Variants in NOTCH2 observed in about 807,000 individuals in gnomAD.
The protein encoded by NOTCH2 is notch receptor 2.
NOTCH2 carries 29 observed loss-of-function variants against 235.8 expected under a neutral mutation model. That is an observed-to-expected ratio of 0.12 (90% CI 0.09 to 0.17). The LOEUF (loss-of-function observed/expected upper bound fraction) is 0.17. Among genes scored for constraint, NOTCH2 ranks in the 10% least tolerant of loss-of-function variants. The pLI, the probability that NOTCH2 is intolerant of heterozygous loss-of-function variation, is 1.00. For synonymous variants in NOTCH2, 1,086 were observed against 1,141.5 expected (o/e 0.95, Z 0.98); for missense variants, 2,285 against 3,150.2 (o/e 0.73, Z 6.57).
intron 2 of NOTCH2, among the ~76,000 whole-genome samples, chr1:120,010,468 G>C (rs1402312268): frequency 6.6e-6 from 1 of 151,868 alleles, no homozygotes; most frequent in East Asian, 1.9e-4. Context: ...CTGCTCTTAA[G>C]AGTACAGACT....
At chr1:120,029,585 G>A (rs1231828344) in intron 2 of NOTCH2, among the ~76,000 whole-genome samples, 8 of 152,156 alleles carry the variant, frequency 5.3e-5, no homozygotes, top group African/African-American at 9.6e-5. Flanking sequence ...TCCTGACCTC[G>A]TGATTCGCCC....
intron 22 of NOTCH2, among the ~76,000 whole-genome samples, chr1:119,931,371 G>T (rs1339930536): frequency 1.3e-5 from 2 of 151,944 alleles, no homozygotes; most frequent in African/African-American, 4.8e-5. Flanking sequence ...ACCAGGATTT[G>T]GTTAGCAAGA....
chr1:119,944,570 C>T (rs1650187589), intron 17 of NOTCH2, among the ~76,000 whole-genome samples: 1 of 144,400 alleles, frequency 6.9e-6, no homozygotes, highest in African/African-American at 2.5e-5. Flanking sequence ...ACCACACCAA[C>T]AGGCATTATA....
chr1:119,931,293 C>A (rs2101173733), intron 22 of NOTCH2, among the ~76,000 whole-genome samples: 1 of 151,668 alleles, frequency 6.6e-6, no homozygotes, highest in Non-Finnish European at 1.5e-5. Context: ...ATGTGTTACA[C>A]CTAAATGAAG....
intron 23 of NOTCH2, among the ~76,000 whole-genome samples, chr1:119,927,488 A>G (rs1649513681): frequency 6.6e-6 from 1 of 152,170 alleles, no homozygotes; most frequent in African/African-American, 2.4e-5. Flanking sequence ...TCTCTGCAAC[A>G]GCATCCCACA....
rs1652507349 is a variant in NOTCH2, at chr1:119,997,329, T to C, written c.419A>G (p.Lys140Arg). 6.2e-7 allele frequency: 1 copy of C among 1,613,762 alleles called. No homozygotes were observed. Among genetic ancestry groups the C allele is most frequent in the Non-Finnish European group, 8.5e-7 (1 of 1,179,836 alleles). Residue 140 changes from lysine to arginine, a missense_variant, in exon 4 of 34, where the codon AAG (lysine) becomes AGG (arginine). Coordinates refer to ENST00000256646, the MANE Select transcript of NOTCH2 (RefSeq NM_024408.4). The part of the protein sequence containing the change: ...ECTCQVGFTG[K>R]ECQWTDACLS... ...GCAGGCATCCGTCCATTGGCACTCCTTACCTAAAGGAAGGATAACAAAACT... is the reference window on the plus strand; with the variant it reads ...GCAGGCATCCGTCCATTGGCACTCCCTACCTAAAGGAAGGATAACAAAACT...
At chr1:119,963,440 G>T in intron 11 of NOTCH2, 134 bp downstream of exon 11, 1 of 856,142 alleles carries the variant, frequency 1.2e-6, no homozygotes, top group Non-Finnish European at 2.0e-6. Flanking sequence ...TATGTTTGTG[G>T]CTTTGGCTGT....
rs782801786 is a variant in NOTCH2, at chr1:119,987,095, G to C, written c.752-13C>G. The C allele has an allele frequency of 4.3e-6, 7 of 1,612,376 alleles. No individual in the cohort carries two copies. The East Asian group carries it at 6.7e-5, about 15-fold the overall frequency. ...CTCCCTTCAAAACCTGGTAAATGAAGAACAAATGAAAATGATGAAATCTCA... is the reference window on the plus strand; with the variant it reads ...CTCCCTTCAAAACCTGGTAAATGAACAACAAATGAAAATGATGAAATCTCA... On this transcript the variant is annotated splice_polypyrimidine_tract_variant and intron_variant, in intron 4 of 33. Coordinates refer to ENST00000256646, the MANE Select transcript of NOTCH2 (RefSeq NM_024408.4).
rs1172188314 is a variant in NOTCH2 at position 119,917,499 on chromosome 1, G to C, written c.6027+166C>G. On this transcript the variant is annotated intron_variant, in intron 33 of 33. Coordinates refer to ENST00000256646, the MANE Select transcript of NOTCH2 (RefSeq NM_024408.4). ...AGAACTCCATCCTGACACATGCCTG[G>C]ACAAGCCCAATATCCTCATCAAGCT... 3.9e-5 allele frequency among the ~76,000 whole-genome samples: 6 copies of C among 152,212 alleles called. No homozygotes were observed. The East Asian group carries it at 1.2e-3, about 29-fold the overall frequency.
At chr1:119,941,406 A>G (rs1650057402) in intron 18 of NOTCH2, 120 bp downstream of exon 18, 1 of 738,240 alleles carries the variant, frequency 1.4e-6, no homozygotes, top group Non-Finnish European at 2.4e-6. Context: ...ATGACTGTGG[A>G]CTGGGATCCA....
intron 22 of NOTCH2, among the ~76,000 whole-genome samples, chr1:119,930,046 G>A (rs782557018): frequency 7.9e-5 from 12 of 152,242 alleles, no homozygotes; most frequent in Admixed American, 7.2e-4. Flanking sequence ...TGCAGGTTTG[G>A]AGCCTAGGTG....
intron 7 of NOTCH2, 73 bp from the exon 8 acceptor site, chr1:119,967,694 T>C (rs1651196484): frequency 7.6e-7 from 1 of 1,320,920 alleles, no homozygotes; most frequent in Admixed American, 1.7e-5. Context: ...TAGAAGAGCA[T>C]CTGATGGTTA....
intron 5 of NOTCH2, among the ~76,000 whole-genome samples, chr1:119,977,230 T>C (rs1226840238): frequency 6.6e-6 from 1 of 152,116 alleles, no homozygotes; most frequent in African/African-American, 2.4e-5. Context: ...ATCTTTCAAC[T>C]CACCCTTCTC....
chr1:120,003,904 A>T (rs1357306294), intron 3 of NOTCH2, among the ~76,000 whole-genome samples: 1 of 152,082 alleles, frequency 6.6e-6, no homozygotes, highest in Non-Finnish European at 1.5e-5. Context: ...GGAAATAAGG[A>T]GAATTTGGTG....
intron 1 of NOTCH2, among the ~76,000 whole-genome samples, chr1:120,040,572 GCTCAGAAA>G (rs1401055771): frequency 1.1e-4 from 12 of 114,238 alleles, no homozygotes; most frequent in African/African-American, 4.1e-4. Context: ...GTTCTAATAA[GCTCAGAAA>G]CTAGCACTGT....
intron 2 of NOTCH2, among the ~76,000 whole-genome samples, chr1:120,006,186 T>G (rs1272958512): frequency 6.6e-6 from 1 of 151,906 alleles, no homozygotes; most frequent in Non-Finnish European, 1.5e-5. Context: ...TGGCTGACAT[T>G]ACAACGGAAA....
At chr1:119,954,993 G>C (rs2101124143) in intron 13 of NOTCH2, 47 bp downstream of exon 13, 1 of 1,599,680 alleles carries the variant, frequency 6.3e-7, no homozygotes. Context: ...AAGCCAACTG[G>C]CTTAACACAG....
Position 119,916,045 on chromosome 1 carries a change from G to A in NOTCH2, c.6677C>T (p.Ser2226Phe). 6.2e-7 allele frequency: 1 copy of A among 1,613,790 alleles called. No individual in the cohort carries two copies. The highest frequency in any genetic ancestry group is 2.2e-5 in the East Asian group (1 of 44,884). The stretch of plus-strand genomic sequence containing the variant: ...GCCTGGAGACACAATGTGGTGGTGG[G>A]ATAGCAACTGGCTCACTGAGGGAAG... Reference protein sequence around the residue: ...TVLPSVSQLLSHHHIVSPGSG... With the variant: ...TVLPSVSQLLFHHHIVSPGSG... The change falls in exon 34 of 34, where the codon TCC becomes TTC. Residue 2226 changes from serine to phenylalanine, a missense_variant. Ser to Phe is a radical substitution (Grantham distance 155, BLOSUM62 -2). Transcript: ENST00000256646.
At chr1:120,041,982 A>G (rs1654591501) in intron 1 of NOTCH2, among the ~76,000 whole-genome samples, 2 of 147,030 alleles carry the variant, frequency 1.4e-5, no homozygotes, top group Admixed American at 6.6e-5. Context: ...AAAGGAAAGA[A>G]AAGGGAAAGA....
Sources: gnomAD v4.1 joint callset for allele counts (sites outside exome capture counted in the v4.1 genomes callset) on GRCh38, gnomAD v4.1.1 for gene constraint, MANE v1.5 for transcripts, NCBI Gene and HGNC (gene_info 2026-07-23, HGNC 2026-07-21) for gene names.